Variants in SHISAL2A observed in about 807,000 individuals in gnomAD.
SHISAL2A encodes shisa like 2A, also known as protein shisa-like-2A.
In SHISAL2A, 18 loss-of-function variants were observed where a neutral mutation model predicts 11.5. That is an observed-to-expected ratio of 1.57 (90% confidence interval 1.08 to 2.33). SHISAL2A has a LOEUF of 2.33. SHISAL2A is among the 30% of genes most tolerant of loss of function. The pLI is 0.00. For synonymous variants in SHISAL2A, 94 were observed against 99.6 expected (o/e 0.94, Z 0.34); for missense variants, 261 against 250.9 (o/e 1.04, Z -0.27).
downstream of SHISAL2A, among the ~76,000 whole-genome samples, chr1:52,659,928 G>A (rs681865): frequency 0.5 from 75,970 of 151,926 alleles, 20,779 homozygotes; most frequent in African/African-American, 0.72. Context: ...CATTCCAAAC[G>A]CTAAAGTGGT....
chr1:52,660,827 G>A (rs540454421), downstream of SHISAL2A, among the ~76,000 whole-genome samples: 3 of 152,236 alleles, frequency 2.0e-5, no homozygotes, highest in African/African-American at 7.2e-5. Flanking sequence ...CCAGAATCTT[G>A]GCTAAATGAG....
In SHISAL2A at chr1:52,656,980, T is replaced by A. The variant is rs778859654; in HGVS notation, c.513T>A (p.Ile171=). The A allele has an allele frequency of 5.6e-6, 9 of 1,614,048 alleles. No homozygotes were observed. In the South Asian group the frequency reaches 9.9e-5, roughly 18 times the overall value. The change falls in exon 3 of 3, where the codon ATT becomes ATA. Residue 171 remains isoleucine (I), a synonymous_variant. Transcript: ENST00000517870. ...TGGCCACAGTGACCACCAGTGACAT[T>A]CCAGGCAGCCCTGAGGAAGCCTCTG... The part of the protein sequence containing the change: ...CFMATVTTSD[I]PGSPEEASVP...
At chr1:52,656,643 T>A in intron 2 of SHISAL2A, 147 bp from the exon 3 acceptor site, 1 of 841,256 alleles carries the variant, frequency 1.2e-6, no homozygotes, top group Non-Finnish European at 1.9e-6. Context: ...TGTGGTGTAT[T>A]GTTAATAAAT....
intron 2 of SHISAL2A, among the ~76,000 whole-genome samples, chr1:52,649,449 G>A (rs1054280214): frequency 1.3e-5 from 2 of 152,174 alleles, no homozygotes; most frequent in African/African-American, 4.8e-5. Flanking sequence ...AGGCAAGGGT[G>A]GGGTGGGGAG....
At chr1:52,635,424 G>C (rs1571675337) in intron 1 of SHISAL2A, among the ~76,000 whole-genome samples, 1 of 151,974 alleles carries the variant, frequency 6.6e-6, no homozygotes, top group East Asian at 1.9e-4. Flanking sequence ...TGGGGCTAGG[G>C]AATAGGGAAT....
intron 2 of SHISAL2A, among the ~76,000 whole-genome samples, chr1:52,652,579 C>T (rs867637722): frequency 7.2e-5 from 11 of 152,116 alleles, no homozygotes; most frequent in South Asian, 2.1e-4. Context: ...TGAAGTAAAT[C>T]CCTGTACAAG....
chr1:52,660,831 A>G (rs2149894096), downstream of SHISAL2A, among the ~76,000 whole-genome samples: 1 of 152,342 alleles, frequency 6.6e-6, no homozygotes, highest in East Asian at 1.9e-4. Flanking sequence ...AATCTTGGCT[A>G]AATGAGGTCC....
At chr1:52,641,231 C>A (rs1691357385) in intron 1 of SHISAL2A, among the ~76,000 whole-genome samples, 1 of 152,140 alleles carries the variant, frequency 6.6e-6, no homozygotes, top group African/African-American at 2.4e-5. Flanking sequence ...AATTAATCAA[C>A]CCCAAGGAAG....
At chr1:52,667,450 T>G (rs1692033383) in exon 5 of SHISAL2A, 1 of 960,844 alleles carries the variant, frequency 1.0e-6, no homozygotes, top group African/African-American at 1.8e-5. Flanking sequence ...TTCAAAGAGA[T>G]TGACTGCTGT....
intron 4 of SHISAL2A, among the ~76,000 whole-genome samples, chr1:52,662,431 A>C (rs547839993): frequency 1.3e-5 from 2 of 149,804 alleles, no homozygotes; most frequent in South Asian, 2.1e-4. Flanking sequence ...TGCAACCTCC[A>C]CCTCCCGGGT....
At chr1:52,642,563 T>C (rs1691390594) in intron 1 of SHISAL2A, among the ~76,000 whole-genome samples, 1 of 151,802 alleles carries the variant, frequency 6.6e-6, no homozygotes, top group Non-Finnish European at 1.5e-5. Context: ...GTAGGTGAGA[T>C]TACAGATTAC....
At chr1:52,642,303 C>T (rs1033967837) in intron 1 of SHISAL2A, among the ~76,000 whole-genome samples, 7 of 152,076 alleles carry the variant, frequency 4.6e-5, no homozygotes, top group Admixed American at 2.6e-4. Flanking sequence ...AGGTATGAGT[C>T]CTTGGTGGTG....
intron 1 of SHISAL2A, among the ~76,000 whole-genome samples, chr1:52,642,428 A>AT (rs113827358): frequency 0.58 from 84,599 of 145,796 alleles, 25,745 homozygotes; most frequent in African/African-American, 0.77. Context: ...CACAACACTA[A>AT]TTTTTTTTTT....
intron 4 of SHISAL2A, among the ~76,000 whole-genome samples, chr1:52,666,731 CA>C (rs1692020992): frequency 6.6e-6 from 1 of 151,946 alleles, no homozygotes; most frequent in Non-Finnish European, 1.5e-5. Context: ...CTACCTCTGG[CA>C]AAATTAAGCA....
In SHISAL2A at chr1:52,633,477, G is replaced by A. The variant is rs1015251603; in HGVS notation, c.-17G>A. 4.1e-6 allele frequency: 6 copies of A among 1,474,256 alleles called. No individual in the cohort carries two copies. In the African/African-American group the frequency reaches 4.4e-5, roughly 11 times the overall value. The allele number at this position is 1,474,256 out of a possible 1,614,324, so 91.3% of individuals were successfully genotyped here. ...GTCTGGTGGCCCGAGGTGGCGGCGGGCTGGGCGCGGGGCGCGATGAGCGGC... is the reference window on the plus strand; with the variant it reads ...GTCTGGTGGCCCGAGGTGGCGGCGGACTGGGCGCGGGGCGCGATGAGCGGC... On this transcript the variant is annotated 5_prime_UTR_variant, in exon 1 of 3. Transcript: ENST00000517870. The surrounding 1 kb of genome is among the most constrained non-coding windows in gnomAD (Gnocchi z 6.4).
intron 2 of SHISAL2A, among the ~76,000 whole-genome samples, chr1:52,644,018 T>C (rs1484462374): frequency 6.6e-6 from 1 of 152,114 alleles, no homozygotes; most frequent in Admixed American, 6.5e-5. Context: ...ATGCTCAAAA[T>C]AGGTATTATT....
intron 4 of SHISAL2A, among the ~76,000 whole-genome samples, chr1:52,664,748 G>C (rs1033125115): frequency 1.3e-5 from 2 of 151,906 alleles, no homozygotes; most frequent in Non-Finnish European, 2.9e-5. Context: ...CGCCTGCCTC[G>C]GCCTCCCAAA....
intron 1 of SHISAL2A, among the ~76,000 whole-genome samples, chr1:52,637,176 A>G (rs1179696900): frequency 6.6e-6 from 1 of 152,156 alleles, no homozygotes; most frequent in Non-Finnish European, 1.5e-5. Flanking sequence ...AGGTGGCTAA[A>G]GGCTCTAGGG....
At chr1:52,637,269 C>T (rs1004529630) in intron 1 of SHISAL2A, among the ~76,000 whole-genome samples, 4 of 152,208 alleles carry the variant, frequency 2.6e-5, no homozygotes, top group Admixed American at 2.0e-4. Flanking sequence ...TGAAAGTCCT[C>T]AGGATGTCTA....
Sources: allele counts gnomAD v4.1 joint callset (sites outside exome capture counted in the v4.1 genomes callset), GRCh38; gene constraint gnomAD v4.1.1; non-coding constraint Gnocchi (gnomAD v3.1); transcripts MANE v1.5; gene names NCBI Gene and HGNC (gene_info 2026-07-23, HGNC 2026-07-21).